The following BLTP3A variants were observed in gnomAD, a reference collection of about 807,000 sequenced individuals.
BLTP3A encodes the protein bridge-like lipid transfer protein family member 3A, also known as ICBP90 binding protein 1.
At chr6:34,855,750 T>G in the BLTP3A span, 2 of 1,610,838 alleles carry the variant, frequency 1.2e-6, no homozygotes, top group Non-Finnish European at 1.7e-6. Context: ...GCCCAAAATA[T>G]TGAGGGCAGA....
At chr6:34,871,212 T>TA in the BLTP3A span, 1 of 1,393,128 alleles carries the variant, frequency 7.2e-7, no homozygotes, top group Non-Finnish European at 9.7e-7. Context: ...GTTAACCTCT[T>TA]CCCTTTTCAC....
At chr6:34,836,206 T>C in the BLTP3A span, 1 of 1,614,186 alleles carries the variant, frequency 6.2e-7, no homozygotes. Flanking sequence ...AGGCATTTGG[T>C]GGCAGCCAGG....
the BLTP3A span, among the ~76,000 whole-genome samples, chr6:34,812,649 T>C: frequency 2.0e-5 from 3 of 151,780 alleles, no homozygotes; most frequent in Admixed American, 6.6e-5. Context: ...TTTTTTTTTT[T>C]CATAGAGACA....
chr6:34,827,865 C>G, the BLTP3A span, among the ~76,000 whole-genome samples: 132 of 152,228 alleles, frequency 8.7e-4, no homozygotes, highest in Non-Finnish European at 1.2e-3. Context: ...CTCCTGACCT[C>G]AAGTGATCCA....
the BLTP3A span, among the ~76,000 whole-genome samples, chr6:34,794,452 C>T: frequency 6.6e-6 from 1 of 152,194 alleles, no homozygotes; most frequent in African/African-American, 2.4e-5. Context: ...TTTTGGATCA[C>T]AATTTGTGTG....
At chr6:34,855,752 G>A in the BLTP3A span, 1 of 1,610,534 alleles carries the variant, frequency 6.2e-7, no homozygotes. Flanking sequence ...CCAAAATATT[G>A]AGGGCAGATT....
chr6:34,857,609 T>C, the BLTP3A span: 1 of 1,452,322 alleles, frequency 6.9e-7, no homozygotes, highest in Non-Finnish European at 9.4e-7. Context: ...TGTTAAACAC[T>C]CTGCCCTGTA....
the BLTP3A span, among the ~76,000 whole-genome samples, chr6:34,799,770 T>C: frequency 6.6e-6 from 1 of 152,234 alleles, no homozygotes; most frequent in African/African-American, 2.4e-5. Context: ...TAACGCATAA[T>C]GCTTTGAGGA....
chr6:34,801,914 T>C, the BLTP3A span, among the ~76,000 whole-genome samples: 2 of 152,022 alleles, frequency 1.3e-5, no homozygotes, highest in African/African-American at 4.8e-5. Flanking sequence ...GTTTTTTGTA[T>C]TTTTAGTAGA....
chr6:34,843,869 CA>C, the BLTP3A span, among the ~76,000 whole-genome samples: 1 of 151,608 alleles, frequency 6.6e-6, no homozygotes, highest in African/African-American at 2.4e-5. Flanking sequence ...CAACAGTGTC[CA>C]GGGGTTCCCT....
the BLTP3A span, among the ~76,000 whole-genome samples, chr6:34,847,955 C>T: frequency 1.9e-5 from 2 of 105,054 alleles, no homozygotes; most frequent in African/African-American, 4.4e-5. Flanking sequence ...TAGCCTCACT[C>T]TGTCACCCAG....
the BLTP3A span, among the ~76,000 whole-genome samples, chr6:34,839,338 CTCTT>C: frequency 0.44 from 66,138 of 151,578 alleles, 16,163 homozygotes; most frequent in African/African-American, 0.67. Flanking sequence ...GTTCTTGTAA[CTCTT>C]TCTCTGGGAT....
chr6:34,847,403 C>A, the BLTP3A span, among the ~76,000 whole-genome samples: 1 of 151,980 alleles, frequency 6.6e-6, no homozygotes, highest in Admixed American at 6.6e-5. Context: ...TTTAAATGTT[C>A]GGTAAAATTC....
At chr6:34,844,311 T>G in the BLTP3A span, among the ~76,000 whole-genome samples, 1 of 149,948 alleles carries the variant, frequency 6.7e-6, no homozygotes, top group African/African-American at 2.5e-5. Context: ...AGTCTTGCTG[T>G]GTTGCCCAGG....
chr6:34,834,706 T>G, the BLTP3A span: 1 of 1,612,706 alleles, frequency 6.2e-7, no homozygotes, highest in Non-Finnish European at 8.5e-7. Flanking sequence ...GGGATTGTAC[T>G]TTCTCTCCTT....
chr6:34,803,926 T>C, the BLTP3A span, among the ~76,000 whole-genome samples: 1 of 152,190 alleles, frequency 6.6e-6, no homozygotes, highest in Non-Finnish European at 1.5e-5. Context: ...TTTTTCTTTC[T>C]TTTTTAAATC....
At chr6:34,839,209 C>T in the BLTP3A span, among the ~76,000 whole-genome samples, 1 of 151,990 alleles carries the variant, frequency 6.6e-6, no homozygotes, top group African/African-American at 2.4e-5. Context: ...GAGATGGCGC[C>T]ATTGCACTCC....
chr6:34,819,830 C>T, the BLTP3A span, among the ~76,000 whole-genome samples: 3 of 152,130 alleles, frequency 2.0e-5, no homozygotes, highest in Non-Finnish European at 2.9e-5. Flanking sequence ...GAGGACTGGC[C>T]TGTGTGAATA....
At chr6:34,838,275 T>C in the BLTP3A span, among the ~76,000 whole-genome samples, 5 of 152,130 alleles carry the variant, frequency 3.3e-5, no homozygotes, top group Non-Finnish European at 7.4e-5. Flanking sequence ...AAACACAAAA[T>C]CCATTTTTAT....
Sources: allele counts gnomAD v4.1 joint callset (sites outside exome capture counted in the v4.1 genomes callset), GRCh38; gene constraint gnomAD v4.1.1; transcripts MANE v1.5; gene names NCBI Gene and HGNC (gene_info 2026-07-23, HGNC 2026-07-21).